EFL1: variants seen among roughly 807,000 people sequenced by gnomAD.
The protein encoded by EFL1 is elongation factor-like GTPase 1.
Under a neutral mutation model 126.7 loss-of-function variants are expected in EFL1, and 76 were observed. The ratio of observed to expected loss-of-function variants is 0.60; its 90% CI spans 0.50 to 0.73. EFL1 has a LOEUF of 0.73. EFL1 is among the 30% of genes least tolerant of loss of function. EFL1 has a pLI of 0.00. For synonymous variants in EFL1, 410 were observed against 448.4 expected (o/e 0.91, Z 1.08); for missense variants, 1,128 against 1,343.2 (o/e 0.84, Z 2.50).
chr15:82,224,408 G>A (rs905705411), intron 12 of EFL1, among the ~76,000 whole-genome samples: 1 of 152,160 alleles, frequency 6.6e-6, no homozygotes. Flanking sequence ...ATTAAAACTT[G>A]TTTCCCTAAG....
chr15:82,227,052 T>C (rs1324824623), intron 11 of EFL1, among the ~76,000 whole-genome samples: 2 of 152,112 alleles, frequency 1.3e-5, no homozygotes, highest in Admixed American at 6.5e-5. Context: ...CGAAAGTCAA[T>C]AGTGATGCCA....
In EFL1 at chr15:82,158,441, G is replaced by A. The variant is rs72749539; in HGVS notation, c.1883-581C>T. Among the ~76,000 whole-genome samples, 1,048 of 152,272 alleles carry A rather than the reference G, an allele frequency of 6.9e-3. 9 individuals carry two copies. Among genetic ancestry groups the A allele is most frequent in the Non-Finnish European group, 8.2e-3 (555 of 68,016 alleles). Reference sequence around the variant, plus strand: ...ATAATTGCTTTTTCCTGGGAGTTGAGAGTAGGGATAGGGACTGTGACCTAC... The same window carrying A: ...ATAATTGCTTTTTCCTGGGAGTTGAAAGTAGGGATAGGGACTGTGACCTAC... On this transcript the variant is annotated intron_variant, in intron 16 of 19. Transcript: ENST00000268206.
rs2074158882 is a variant in EFL1, at chr15:82,173,506, T to C, written c.1751-9522A>G. 2.6e-5 allele frequency among the ~76,000 whole-genome samples: 4 copies of C among 152,208 alleles called. No homozygotes were observed. The South Asian group carries it at 8.3e-4, about 32-fold the overall frequency. The stretch of plus-strand genomic sequence containing the variant: ...TAGTTGAGTCTGGATGGCAGGTACA[T>C]GAACGTTCATTATATTATCTATTGT... On this transcript the variant is annotated intron_variant, in intron 15 of 19. Coordinates refer to ENST00000268206, the MANE Select transcript of EFL1 (RefSeq NM_024580.6).
chr15:82,149,063 T>TA (rs2073880148), intron 18 of EFL1, among the ~76,000 whole-genome samples: 1 of 152,146 alleles, frequency 6.6e-6, no homozygotes, highest in Non-Finnish European at 1.5e-5. Flanking sequence ...TTTGATTTTC[T>TA]ACCTGTTGAG....
intron 16 of EFL1, among the ~76,000 whole-genome samples, chr15:82,160,505 TACTG>T (rs899190196): frequency 3.9e-5 from 6 of 152,240 alleles, no homozygotes; most frequent in Non-Finnish European, 8.8e-5. Flanking sequence ...TATATGTACA[TACTG>T]TATGTATCTT....
chr15:82,222,376 T>C (rs987862733), intron 12 of EFL1, among the ~76,000 whole-genome samples: 9 of 152,334 alleles, frequency 5.9e-5, no homozygotes, highest in African/African-American at 2.2e-4. Flanking sequence ...TATCACCAGG[T>C]TATGTCTTTC....
chr15:82,189,528 C>G (rs1287989350), intron 15 of EFL1, among the ~76,000 whole-genome samples: 1 of 152,086 alleles, frequency 6.6e-6, no homozygotes, highest in African/African-American at 2.4e-5. Flanking sequence ...ACTGGGCATC[C>G]TGCTTCAAAC....
At chr15:82,150,234 A>C (rs1011153439) in intron 18 of EFL1, among the ~76,000 whole-genome samples, 1 of 152,198 alleles carries the variant, frequency 6.6e-6, no homozygotes, top group Non-Finnish European at 1.5e-5. Context: ...TGGAAGCCTA[A>C]ATTTCTTTTG....
At chr15:82,245,144 A>G (rs1363030605) in intron 4 of EFL1, among the ~76,000 whole-genome samples, 1 of 151,998 alleles carries the variant, frequency 6.6e-6, no homozygotes, top group African/African-American at 2.4e-5. Context: ...AGGAAATACT[A>G]CTTTTTTTTG....
Position 82,151,001 on chromosome 15 carries a change from A to G in EFL1, c.2989+464T>C, listed in dbSNP as rs571836057. 2.6e-5 allele frequency among the ~76,000 whole-genome samples: 4 copies of G among 152,314 alleles called. No homozygotes were observed. In the East Asian group the frequency reaches 7.7e-4, roughly 29 times the overall value. On this transcript the variant is annotated intron_variant, in intron 18 of 19. Coordinates refer to ENST00000268206, the MANE Select transcript of EFL1 (RefSeq NM_024580.6). ...ATGTTTTTCCCCTCTCAAGATTTTA[A>G]TACTTAAGATATCTGGCTTTCAAAG...
intron 19 of EFL1, among the ~76,000 whole-genome samples, chr15:82,131,126 A>G (rs1224947924): frequency 1.3e-5 from 2 of 152,242 alleles, no homozygotes; most frequent in East Asian, 1.9e-4. Flanking sequence ...CCAGTTCATA[A>G]CACTAAGGAA....
At chr15:82,166,854 G>C (rs1273075805) in intron 15 of EFL1, among the ~76,000 whole-genome samples, 1 of 151,770 alleles carries the variant, frequency 6.6e-6, no homozygotes, top group Non-Finnish European at 1.5e-5. Flanking sequence ...TTTCATTTCA[G>C]TCACTTTAGT....
At chr15:82,155,764 A>C (rs1322728545) in intron 17 of EFL1, among the ~76,000 whole-genome samples, 1 of 152,224 alleles carries the variant, frequency 6.6e-6, no homozygotes, top group Non-Finnish European at 1.5e-5. Flanking sequence ...AAAAATATTT[A>C]ACCACTCTAG....
At chr15:82,214,257 T>A (rs961030310) in intron 15 of EFL1, among the ~76,000 whole-genome samples, 9 of 152,218 alleles carry the variant, frequency 5.9e-5, no homozygotes, top group Non-Finnish European at 1.2e-4. Context: ...AGAGTAATAT[T>A]TACAGATATA....
chr15:82,189,227 T>C (rs983215507), intron 15 of EFL1, among the ~76,000 whole-genome samples: 1 of 152,208 alleles, frequency 6.6e-6, no homozygotes, highest in African/African-American at 2.4e-5. Flanking sequence ...TAGGGTATGA[T>C]AATCTTATGG....
At chr15:82,134,618 A>T (rs935070198) in intron 19 of EFL1, among the ~76,000 whole-genome samples, 6 of 152,200 alleles carry the variant, frequency 3.9e-5, no homozygotes, top group African/African-American at 1.2e-4. Flanking sequence ...CCATGTCCAA[A>T]ATAAGCTTGT....
chr15:82,176,708 C>A (rs1169528658), intron 15 of EFL1, among the ~76,000 whole-genome samples: 2 of 152,198 alleles, frequency 1.3e-5, no homozygotes, highest in African/African-American at 2.4e-5. Context: ...TCAGATACCC[C>A]TGGTGGAAGC....
intron 12 of EFL1, 97 bp from the exon 13 acceptor site, chr15:82,220,326 G>C: frequency 6.9e-7 from 1 of 1,445,654 alleles, no homozygotes; most frequent in Non-Finnish European, 9.2e-7. Context: ...ATTGGTCCCA[G>C]CTCCATTCCA....
At chr15:82,245,208 G>C (rs1660645833) in intron 4 of EFL1, among the ~76,000 whole-genome samples, 1 of 152,080 alleles carries the variant, frequency 6.6e-6, no homozygotes, top group South Asian at 2.1e-4. Context: ...GCTGGATGCA[G>C]TGGCACAATC....
Sources: gnomAD v4.1 joint callset for allele counts (sites outside exome capture counted in the v4.1 genomes callset) on GRCh38, gnomAD v4.1.1 for gene constraint, MANE v1.5 for transcripts, NCBI Gene and HGNC (gene_info 2026-07-23, HGNC 2026-07-21) for gene names.